Variants in ZBTB45 observed in about 807,000 individuals in gnomAD.
ZBTB45 encodes zinc finger and BTB domain-containing protein 45.
Under a neutral mutation model 28.4 loss-of-function variants are expected in ZBTB45, and 22 were observed. The ratio of observed to expected loss-of-function variants is 0.77; its 90% CI spans 0.55 to 1.10. The LOEUF (loss-of-function observed/expected upper bound fraction) is 1.10, where lower values mean the gene tolerates loss of function less well. Ranked by LOEUF, ZBTB45 falls within the 50% of genes least tolerant of loss-of-function variation. The pLI, the probability that ZBTB45 is intolerant of heterozygous loss-of-function variation, is 0.00. For synonymous variants in ZBTB45, 361 were observed against 332.3 expected (o/e 1.09, Z -0.94); for missense variants, 656 against 750.2 (o/e 0.87, Z 1.47).
upstream of ZBTB45, among the ~76,000 whole-genome samples, chr19:58,524,367 A>AAAT (rs1232727702): frequency 6.6e-5 from 10 of 150,918 alleles, no homozygotes; most frequent in South Asian, 2.1e-4. Flanking sequence ...CTCCGTCTCA[A>AAAT]AATAATAATA....
chr19:58,517,731 A>G (rs896786423), intron 1 of ZBTB45, 58 bp from the exon 2 acceptor site: 16 of 1,512,230 alleles, frequency 1.1e-5, no homozygotes, highest in Admixed American at 3.7e-5. Context: ...ATCTGTCCCA[A>G]CGTCCCTGTC....
chr19:58,534,861 C>A (rs1011995182), intron 1 of ZBTB45, among the ~76,000 whole-genome samples: 1 of 125,206 alleles, frequency 8.0e-6, no homozygotes. Flanking sequence ...CGACCTAATT[C>A]TTTTTTTTTT....
chr19:58,537,605 C>T (rs969756048), intron 1 of ZBTB45, among the ~76,000 whole-genome samples: 1 of 152,118 alleles, frequency 6.6e-6, no homozygotes, highest in Non-Finnish European at 1.5e-5. Flanking sequence ...CCTCAGGGAC[C>T]TTGGACTTGT....
Position 58,517,058 on chromosome 19 carries a change from G to A in ZBTB45, c.616C>T (p.Arg206Ter), listed in dbSNP as rs768718808. The A allele has an allele frequency of 6.2e-6, 10 of 1,613,214 alleles. No individual in the cohort carries two copies. Among genetic ancestry groups the A allele is most frequent in the Non-Finnish European group, 7.6e-6 (9 of 1,179,992 alleles). ...DPSLSAAPDD[R>*]GDEDDEESDD... is the part of the protein sequence containing the mutation. Reference sequence around the variant, plus strand: ...CTTTCCTCGTCATCCTCGTCACCTCGGTCATCAGGGGCCGCGGACAGTGAG... The same window carrying A: ...CTTTCCTCGTCATCCTCGTCACCTCAGTCATCAGGGGCCGCGGACAGTGAG... Residue 206 changes from arginine to a stop codon, truncating the protein, a stop_gained, in exon 2 of 3, where the codon CGA becomes TGA. Transcript: ENST00000594051. LOFTEE classifies it high-confidence loss of function.
upstream of ZBTB45, among the ~76,000 whole-genome samples, chr19:58,520,535 T>A (rs959424748): frequency 2.0e-4 from 30 of 152,132 alleles, no homozygotes; most frequent in Non-Finnish European, 5.9e-5. Context: ...GCGGAAATAA[T>A]TAAGGTTACT....
chr19:58,533,631 T>C (rs1407171901), intron 1 of ZBTB45, among the ~76,000 whole-genome samples: 1 of 152,166 alleles, frequency 6.6e-6, no homozygotes, highest in Non-Finnish European at 1.5e-5. Context: ...ATCATAGTGA[T>C]TCCAAAGAGC....
At chr19:58,533,558 T>G (rs2053645001) in intron 1 of ZBTB45, among the ~76,000 whole-genome samples, 1 of 152,042 alleles carries the variant, frequency 6.6e-6, no homozygotes, top group Non-Finnish European at 1.5e-5. Context: ...GAATAAAGTT[T>G]TTTTTTTTTA....
chr19:58,537,995 G>C (rs916910963), intron 1 of ZBTB45, among the ~76,000 whole-genome samples: 1 of 151,912 alleles, frequency 6.6e-6, no homozygotes, highest in South Asian at 2.1e-4. Context: ...GTGCCACCAC[G>C]CCCGGCTAAT....
chr19:58,519,511 C>G (rs1354130240), intron 1 of ZBTB45: 3 of 152,580 alleles, frequency 2.0e-5, no homozygotes, highest in African/African-American at 7.2e-5. Flanking sequence ...GTGCTTTACT[C>G]CGAGCGCGTT....
At position 58,516,200 on chromosome 19, in the gene ZBTB45, G is replaced by C. The variant is rs1325185407; in HGVS notation, c.1279+195C>G. Among the ~76,000 whole-genome samples the C allele has an allele frequency of 6.6e-6, 1 of 152,116 alleles. No individual in the cohort carries two copies. Among genetic ancestry groups the C allele is most frequent in the Non-Finnish European group, 1.5e-5 (1 of 68,004 alleles). ...TCAGGATCCCCCTCCACAGAAGCCA[G>C]TGCCTGCTGCTCCACAGAGTGGGGC... On this transcript the variant is annotated intron_variant, in intron 2 of 2. Coordinates refer to ENST00000594051, the MANE Select transcript of ZBTB45 (RefSeq NM_001316979.2). This position sits in a 1 kb window ranked among gnomAD's most constrained non-coding sequence, Gnocchi z 6.2.
In ZBTB45 at chr19:58,513,687, G is replaced by C. The variant is rs2053443557; in HGVS notation, c.*367C>G. The C allele has an allele frequency of 4.4e-6, 1 of 226,922 alleles. No individual in the cohort carries two copies. Among genetic ancestry groups the C allele is most frequent in the East Asian group, 8.6e-5 (1 of 11,562 alleles). 14.1% of individuals were successfully genotyped at this position (226,922 alleles called of 1,614,324 possible). A position where few individuals can be genotyped will look rare whatever the true frequency, so the allele number is the denominator to read the frequency against. On this transcript the variant is annotated 3_prime_UTR_variant, in exon 3 of 3. Transcript: ENST00000594051. Reference sequence around the variant, plus strand: ...TAGGGACCTTGCCCAGCCTGACCCTGGGGCAGGCAAGCGGCCCCCCAGCCC... The same window carrying C: ...TAGGGACCTTGCCCAGCCTGACCCTCGGGCAGGCAAGCGGCCCCCCAGCCC...
chr19:58,528,290 C>A (rs1228649994), intron 1 of ZBTB45, among the ~76,000 whole-genome samples: 3 of 151,972 alleles, frequency 2.0e-5, no homozygotes, highest in Non-Finnish European at 4.4e-5. Context: ...GACACCCAGG[C>A]GCTCATTAAA....
In ZBTB45 at chr19:58,515,271, A is replaced by C. The variant is rs2053476841; in HGVS notation, c.1280-961T>G. On this transcript the variant is annotated intron_variant, in intron 2 of 2. Coordinates refer to ENST00000594051, the MANE Select transcript of ZBTB45 (RefSeq NM_001316979.2). This position sits in a 1 kb window ranked among gnomAD's most constrained non-coding sequence, Gnocchi z 4.7. The stretch of plus-strand genomic sequence containing the variant: ...GCAGAGGTTGCAGTGAGCCGAGATC[A>C]CACCACTGCACTCCAGCCTGGGCAA... 6.6e-6 allele frequency among the ~76,000 whole-genome samples: 1 copy of C among 151,394 alleles called. No homozygotes were observed. Among genetic ancestry groups the C allele is most frequent in the East Asian group, 1.9e-4 (1 of 5,140 alleles).
intron 1 of ZBTB45, among the ~76,000 whole-genome samples, 156 bp from the exon 2 acceptor site, chr19:58,517,829 C>T (rs911169301): frequency 2.6e-5 from 4 of 151,888 alleles, no homozygotes; most frequent in African/African-American, 7.3e-5. Flanking sequence ...CTTCACAGTC[C>T]CCATTCCCAA....
chr19:58,517,758 C>A, intron 1 of ZBTB45, 85 bp from the exon 2 acceptor site: 1 of 1,311,380 alleles, frequency 7.6e-7, no homozygotes, highest in Non-Finnish European at 1.1e-6. Flanking sequence ...CCCCTTGTTG[C>A]AGGACAGGGC....
In ZBTB45 at chr19:58,516,088, A is replaced by G. The variant is rs539637212; in HGVS notation, c.1279+307T>C. On this transcript the variant is annotated intron_variant, in intron 2 of 2. Coordinates refer to ENST00000594051, the MANE Select transcript of ZBTB45 (RefSeq NM_001316979.2). The surrounding 1 kb of genome is among the most constrained non-coding windows in gnomAD (Gnocchi z 6.2). ...TGCCAGGACCTCCTGCCAAGGCTCC[A>G]TACCCATCATGTGCATCCCAGGCTG... 6.6e-6 allele frequency among the ~76,000 whole-genome samples: 1 copy of G among 152,242 alleles called. No homozygotes were observed. The highest frequency in any genetic ancestry group is 2.1e-4 in the South Asian group (1 of 4,830).
intron 1 of ZBTB45, among the ~76,000 whole-genome samples, chr19:58,528,212 A>G (rs896168868): frequency 1.3e-5 from 2 of 152,210 alleles, no homozygotes; most frequent in African/African-American, 4.8e-5. Context: ...ACCACATAGC[A>G]GTAACATCAG....
rs924868369 is a variant in ZBTB45, at chr19:58,529,404, C to T, written c.-1+9297G>A. Among the ~76,000 whole-genome samples, 9 of 152,290 alleles carry T rather than the reference C, an allele frequency of 5.9e-5. No individual in the cohort carries two copies. In the East Asian group the frequency reaches 1.7e-3, roughly 29 times the overall value. The stretch of plus-strand genomic sequence containing the variant: ...CAGGATCGTACCACCGCACTCAGAG[C>T]AAGACCCTATCTCAATAAATACACA... On this transcript the variant is annotated intron_variant, in intron 1 of 1. Coordinates refer to the ZBTB45 transcript ENST00000600130.
chr19:58,532,008 C>G (rs139928671), intron 1 of ZBTB45, among the ~76,000 whole-genome samples: 1 of 152,236 alleles, frequency 6.6e-6, no homozygotes, highest in East Asian at 1.9e-4. Context: ...ACTCTGGGCT[C>G]TGAGTGTCTC....
Sources: allele counts gnomAD v4.1 joint callset (sites outside exome capture counted in the v4.1 genomes callset), GRCh38; gene constraint gnomAD v4.1.1; non-coding constraint Gnocchi (gnomAD v3.1); transcripts MANE v1.5; gene names NCBI Gene and HGNC (gene_info 2026-07-23, HGNC 2026-07-21).